The following PPFIA2 variants were observed in gnomAD, a reference collection of about 807,000 sequenced individuals.
PPFIA2 encodes PPFI scaffold protein A2, also known as liprin-alpha-2.
A neutral mutation model predicts 175.5 loss-of-function variants in PPFIA2; 46 were observed. The observed-to-expected ratio is 0.26, with a 90% CI of 0.21 to 0.34. The LOEUF (loss-of-function observed/expected upper bound fraction) is 0.34. PPFIA2 is among the 10% of genes least tolerant of loss of function. The pLI is 1.00. For synonymous variants in PPFIA2, 568 were observed against 511.4 expected (o/e 1.11, Z -1.49); for missense variants, 1,179 against 1,506.1 (o/e 0.78, Z 3.60).
chr12:81,634,045 T>C (rs931971970), intron 4 of PPFIA2, among the ~76,000 whole-genome samples: 2 of 152,218 alleles, frequency 1.3e-5, no homozygotes, highest in African/African-American at 2.4e-5. Flanking sequence ...TAAGTTAAAA[T>C]GTTACATTAA....
chr12:81,757,260 T>C (rs756106763), intron 2 of PPFIA2, among the ~76,000 whole-genome samples: 2 of 152,330 alleles, frequency 1.3e-5, no homozygotes, highest in Non-Finnish European at 2.9e-5. Context: ...CAATGTCTAG[T>C]GCGTTTCACC....
chr12:81,600,164 T>C (rs1229294642), intron 4 of PPFIA2, among the ~76,000 whole-genome samples: 3 of 151,954 alleles, frequency 2.0e-5, no homozygotes, highest in Non-Finnish European at 2.9e-5. Context: ...AGTACCTACA[T>C]ATATTAAATA....
chr12:81,756,029 G>C (rs1404577452), intron 2 of PPFIA2, among the ~76,000 whole-genome samples: 1 of 151,976 alleles, frequency 6.6e-6, no homozygotes, highest in Non-Finnish European at 1.5e-5. Context: ...AAAAGGAATT[G>C]GAAAACAACA....
intron 4 of PPFIA2, among the ~76,000 whole-genome samples, chr12:81,542,848 G>A (rs2066423874): frequency 6.6e-6 from 1 of 152,074 alleles, no homozygotes; most frequent in South Asian, 2.1e-4. Context: ...CTGGGAGAAT[G>A]AGCCCCCAAC....
intron 4 of PPFIA2, among the ~76,000 whole-genome samples, chr12:81,467,955 T>C (rs59569635): frequency 0.14 from 20,632 of 152,070 alleles, 1,637 homozygotes; most frequent in African/African-American, 0.2. Context: ...GGCTGCCTTG[T>C]TCCCATATCC....
intron 4 of PPFIA2, among the ~76,000 whole-genome samples, chr12:81,589,813 T>G (rs1200963691): frequency 6.6e-6 from 1 of 152,134 alleles, no homozygotes; most frequent in Non-Finnish European, 1.5e-5. Context: ...ATCTGCATTT[T>G]TTTTAAAAGC....
chr12:81,639,664 A>G (rs559514742), intron 4 of PPFIA2, among the ~76,000 whole-genome samples: 13 of 152,200 alleles, frequency 8.5e-5, no homozygotes, highest in Non-Finnish European at 1.3e-4. Flanking sequence ...TGTGTTTTTC[A>G]TAAAAGTTAT....
chr12:81,344,226 G>A (rs934246016), intron 19 of PPFIA2, among the ~76,000 whole-genome samples: 1 of 152,032 alleles, frequency 6.6e-6, no homozygotes, highest in African/African-American at 2.4e-5. Flanking sequence ...CTTGGGAACT[G>A]TGAGTAACAA....
chr12:81,720,467 G>T (rs1314370749), intron 3 of PPFIA2, among the ~76,000 whole-genome samples: 2 of 151,320 alleles, frequency 1.3e-5, no homozygotes, highest in African/African-American at 4.8e-5. Context: ...CACTTTCCCT[G>T]GTTTCCCTGC....
intron 22 of PPFIA2, among the ~76,000 whole-genome samples, chr12:81,323,220 T>C (rs1398160690): frequency 6.6e-6 from 1 of 151,362 alleles, no homozygotes; most frequent in African/African-American, 2.5e-5. Context: ...GAAAATAAGA[T>C]ATTGTCTAGT....
At chr12:81,591,130 A>G (rs538694113) in intron 4 of PPFIA2, among the ~76,000 whole-genome samples, 16 of 61,812 alleles carry the variant, frequency 2.6e-4, no homozygotes, top group African/African-American at 8.3e-4. Flanking sequence ...TCTCTTTGGG[A>G]ACTGGAGCAA....
intron 4 of PPFIA2, among the ~76,000 whole-genome samples, chr12:81,519,662 G>T (rs888015947): frequency 6.6e-6 from 1 of 152,156 alleles, no homozygotes; most frequent in Non-Finnish European, 1.5e-5. Flanking sequence ...AATGTCTCAA[G>T]ACCTTGTTTA....
intron 18 of PPFIA2, among the ~76,000 whole-genome samples, chr12:81,346,020 G>C (rs1207024571): frequency 6.6e-6 from 1 of 152,106 alleles, no homozygotes; most frequent in Non-Finnish European, 1.5e-5. Flanking sequence ...GCAGAAAATA[G>C]TGGACTCAGC....
chr12:81,267,723 G>C (rs1178524492), intron 29 of PPFIA2, among the ~76,000 whole-genome samples, 189 bp downstream of exon 29: 2 of 109,214 alleles, frequency 1.8e-5, no homozygotes, highest in Non-Finnish European at 4.1e-5. Context: ...TTGTTTAATT[G>C]TATGATTTTT....
chr12:81,593,637 A>C (rs2058926860), intron 4 of PPFIA2, among the ~76,000 whole-genome samples: 1 of 152,228 alleles, frequency 6.6e-6, no homozygotes, highest in Non-Finnish European at 1.5e-5. Context: ...AGGATTTTTT[A>C]CAAAAGGCAT....
intron 5 of PPFIA2, among the ~76,000 whole-genome samples, chr12:81,449,217 A>G (rs561033893): frequency 6.6e-6 from 1 of 152,204 alleles, no homozygotes; most frequent in Non-Finnish European, 1.5e-5. Flanking sequence ...TGATGGAGAC[A>G]CCACCATGGC....
intron 24 of PPFIA2, among the ~76,000 whole-genome samples, chr12:81,287,664 C>T (rs2043807955): frequency 6.6e-6 from 1 of 151,820 alleles, no homozygotes; most frequent in African/African-American, 2.4e-5. Context: ...TGTAGTAAGT[C>T]AATTATTCAA....
intron 4 of PPFIA2, among the ~76,000 whole-genome samples, chr12:81,532,807 C>T (rs2153289646): frequency 6.6e-6 from 1 of 151,782 alleles, no homozygotes; most frequent in East Asian, 1.9e-4. Flanking sequence ...TTTCCTCATG[C>T]CATAACCTCC....
intron 6 of PPFIA2, among the ~76,000 whole-genome samples, chr12:81,440,937 C>T (rs1341796016): frequency 2.7e-5 from 4 of 150,936 alleles, no homozygotes; most frequent in Non-Finnish European, 4.4e-5. Context: ...ACTTAAGATG[C>T]AATTCATGGT....
Sources: gnomAD v4.1 joint callset for allele counts (sites outside exome capture counted in the v4.1 genomes callset) on GRCh38, gnomAD v4.1.1 for gene constraint, MANE v1.5 for transcripts, NCBI Gene and HGNC (gene_info 2026-07-23, HGNC 2026-07-21) for gene names.